TRPM6: variants seen among roughly 807,000 people sequenced by gnomAD.
The protein encoded by TRPM6 is channel kinase 2.
In TRPM6, 111 loss-of-function variants were observed where a neutral mutation model predicts 247.6. The ratio of observed to expected loss-of-function variants is 0.45; its 90% CI spans 0.38 to 0.52. The LOEUF is 0.52. Ranked by LOEUF, TRPM6 falls within the 20% of genes least tolerant of loss-of-function variation. The probability of loss-of-function intolerance (pLI) is 0.00; values close to 1 mark genes in which losing one functional copy is unlikely to be tolerated. For missense variants in TRPM6, 2,126 were observed against 2,421.5 expected (o/e 0.88, Z 2.56); for synonymous variants, 892 against 853.8 (o/e 1.04, Z -0.78).
intron 4 of TRPM6, among the ~76,000 whole-genome samples, chr9:74,841,430 G>A (rs1829934881): frequency 1.3e-5 from 2 of 151,956 alleles, no homozygotes; most frequent in Admixed American, 1.3e-4. Context: ...CTCCATACAT[G>A]CAAATAGGAA....
intron 20 of TRPM6, 96 bp from the exon 21 acceptor site, chr9:74,786,221 G>A: frequency 7.0e-7 from 1 of 1,427,052 alleles, no homozygotes; most frequent in Non-Finnish European, 9.8e-7. Context: ...CACTGAAAGA[G>A]TAATCTAAAA....
chr9:74,747,889 T>C lies in TRPM6; in HGVS notation c.5083A>G (p.Lys1695Glu). ...AAAATGTTTAAACAGAAAAACTTAC[T>C]GTCAACTCCAATTGAACTTTTCAGC... ...SLLKSSIGVDKISASLKSPQE... is the reference protein window; with the variant it reads ...SLLKSSIGVDEISASLKSPQE... Residue 1695 changes from lysine to glutamate, a missense_variant and splice_region_variant, in exon 31 of 39, where the codon AAG (lysine) becomes GAG (glutamate). Lys to Glu is a moderately conservative substitution (Grantham distance 56). This residue lies in a region of TRPM6 where 327 missense variants were observed against 397.7 expected (regional missense o/e 0.82). Coordinates refer to ENST00000360774, the MANE Select transcript of TRPM6 (RefSeq NM_017662.5). 1 of 1,608,878 alleles carries C rather than the reference T, an allele frequency of 6.2e-7. No individual in the cohort carries two copies.
At position 74,849,973 on chromosome 9, in the gene TRPM6, A is replaced by C. The variant is rs191862694; in HGVS notation, c.152+5554T>G. Among the ~76,000 whole-genome samples, 12 of 152,366 alleles carry C rather than the reference A, an allele frequency of 7.9e-5. No individual in the cohort carries two copies. The East Asian group carries it at 2.1e-3, about 27-fold the overall frequency. Reference sequence around the variant, plus strand: ...CTCTGAAAGAGGTGATCAGTGGGCTAAGGATACTTATTGTGCATCTGCTGT... The same window carrying C: ...CTCTGAAAGAGGTGATCAGTGGGCTCAGGATACTTATTGTGCATCTGCTGT... On this transcript the variant is annotated intron_variant, in intron 3 of 38. Coordinates refer to ENST00000360774, the MANE Select transcript of TRPM6 (RefSeq NM_017662.5).
intron 4 of TRPM6, among the ~76,000 whole-genome samples, chr9:74,840,798 C>T (rs1829910491): frequency 1.5e-5 from 2 of 134,692 alleles, no homozygotes; most frequent in African/African-American, 5.9e-5. Flanking sequence ...CACTGCACTC[C>T]AGCCTGGGTG....
chr9:74,885,418 T>C (rs1049145079), intron 1 of TRPM6, among the ~76,000 whole-genome samples: 2 of 152,084 alleles, frequency 1.3e-5, no homozygotes, highest in African/African-American at 4.8e-5. Context: ...AAATAGTAAC[T>C]AGTTAAAAGA....
chr9:74,766,769 G>C (rs563325110), intron 25 of TRPM6, among the ~76,000 whole-genome samples: 2 of 152,094 alleles, frequency 1.3e-5, no homozygotes, highest in East Asian at 3.9e-4. Flanking sequence ...AAATAGCCGG[G>C]CGTGGTGGCA....
chr9:74,802,575 G>A (rs1238727705), intron 15 of TRPM6, among the ~76,000 whole-genome samples: 1 of 152,144 alleles, frequency 6.6e-6, no homozygotes, highest in Admixed American at 6.5e-5. Flanking sequence ...GAGACTACAT[G>A]ACAACTTTTA....
At chr9:74,861,937 CAATGATTGTTG>C (rs1246135063) in intron 1 of TRPM6, among the ~76,000 whole-genome samples, 1 of 151,974 alleles carries the variant, frequency 6.6e-6, no homozygotes, top group African/African-American at 2.4e-5. Flanking sequence ...GGGCCTAACC[CAATGATTGTTG>C]AATGAGCAAC....
intron 9 of TRPM6, among the ~76,000 whole-genome samples, chr9:74,817,716 C>A (rs540589460): frequency 1.4e-5 from 2 of 139,654 alleles, no homozygotes; most frequent in East Asian, 4.5e-4. Flanking sequence ...TTCAATAAAT[C>A]TCTGCTTTTG....
At chr9:74,813,711 C>A (rs959822122) in intron 11 of TRPM6, among the ~76,000 whole-genome samples, 1 of 152,082 alleles carries the variant, frequency 6.6e-6, no homozygotes, top group African/African-American at 2.4e-5. Context: ...ACAAACAGAT[C>A]AAAAAACATC....
intron 12 of TRPM6, among the ~76,000 whole-genome samples, chr9:74,811,697 A>T (rs1221256300): frequency 2.0e-5 from 3 of 152,236 alleles, no homozygotes; most frequent in Non-Finnish European, 2.9e-5. Flanking sequence ...TGAAGAGTCT[A>T]TCTATAAACT....
rs1587589213 is a variant in TRPM6, at chr9:74,858,616, T to C, written c.113+53A>G. ...AGTCATATTTCTAAGTTTCTATAAA[T>C]AGTCCATCAGGTAGTGTTGCTTTTA... On this transcript the variant is annotated intron_variant, in intron 2 of 38. Coordinates refer to ENST00000360774, the MANE Select transcript of TRPM6 (RefSeq NM_017662.5). The C allele has an allele frequency of 1.7e-5, 19 of 1,139,074 alleles. No individual in the cohort carries two copies. In the East Asian group the frequency reaches 3.8e-4, roughly 23 times the overall value. 70.6% of individuals were successfully genotyped at this position (1,139,074 alleles called of 1,614,324 possible).
At position 74,788,757 on chromosome 9, in the gene TRPM6, C is replaced by G; in HGVS notation, c.2539-15G>C. ...AAATACGCCATCTGTGAGGGGGACA[C>G]ACATTCCCCAGATGTGAGTGAGAGC... On this transcript the variant is annotated splice_polypyrimidine_tract_variant and intron_variant, in intron 19 of 38. Coordinates refer to ENST00000360774, the MANE Select transcript of TRPM6 (RefSeq NM_017662.5). The G allele has an allele frequency of 6.2e-7, 1 of 1,613,180 alleles. No individual in the cohort carries two copies. Among genetic ancestry groups the G allele is most frequent in the Non-Finnish European group, 8.5e-7 (1 of 1,179,658 alleles).
intron 14 of TRPM6, chr9:74,804,787 G>C (rs898573672): frequency 1.5e-6 from 1 of 682,498 alleles, no homozygotes; most frequent in Non-Finnish European, 2.7e-6. Flanking sequence ...GCCCTTGCAC[G>C]GGCTCGTAAG....
rs73650078 is a variant in TRPM6, at chr9:74,792,596, C to T, written c.2538+28G>A. Reference sequence around the variant, plus strand: ...CACTAGCTATCAATCATCATTAATCCGACATATATTGTTGCAATGAGACCA... The same window carrying T: ...CACTAGCTATCAATCATCATTAATCTGACATATATTGTTGCAATGAGACCA... On this transcript the variant is annotated intron_variant, in intron 19 of 38. Transcript: ENST00000360774. 4.6e-4 allele frequency: 747 copies of T among 1,609,020 alleles called. 6 individuals carry two copies. In the African/African-American group the frequency reaches 8.1e-3, roughly 17 times the overall value.
chr9:74,882,373 T>C (rs955629121), intron 1 of TRPM6, among the ~76,000 whole-genome samples: 1 of 152,150 alleles, frequency 6.6e-6, no homozygotes, highest in Non-Finnish European at 1.5e-5. Flanking sequence ...AGGGGACTAA[T>C]ATCCAGAATA....
At chr9:74,823,431 C>G (rs1195957763) in intron 7 of TRPM6, among the ~76,000 whole-genome samples, 1 of 152,160 alleles carries the variant, frequency 6.6e-6, no homozygotes, top group Non-Finnish European at 1.5e-5. Context: ...AATATCTAGA[C>G]GTATAGTATG....
At chr9:74,779,665 TA>T (rs147336695) in intron 23 of TRPM6, among the ~76,000 whole-genome samples, 2,746 of 152,334 alleles carry the variant, frequency 0.018, 88 homozygotes, top group African/African-American at 0.063. Context: ...AGGAAACAAA[TA>T]TGTGTCAGGC....
chr9:74,819,879 T>C (rs1449366378), intron 9 of TRPM6, among the ~76,000 whole-genome samples: 1 of 152,092 alleles, frequency 6.6e-6, no homozygotes, highest in Non-Finnish European at 1.5e-5. Context: ...GCATGGAGAG[T>C]GCGGACAGCA....
Sources: gnomAD v4.1 joint callset for allele counts (sites outside exome capture counted in the v4.1 genomes callset) on GRCh38, gnomAD v4.1.1 for gene constraint, gnomAD v4.1.1 regional missense constraint, MANE v1.5 for transcripts, NCBI Gene and HGNC (gene_info 2026-07-23, HGNC 2026-07-21) for gene names.